The following SYTL2 variants were observed in gnomAD, a reference collection of about 807,000 sequenced individuals.
The protein encoded by SYTL2 is synaptotagmin-like protein 2.
Under a neutral mutation model 198.7 loss-of-function variants are expected in SYTL2, and 165 were observed. The ratio of observed to expected loss-of-function variants is 0.83; its 90% CI spans 0.73 to 0.94. The LOEUF is 0.94. Among genes scored for constraint, SYTL2 ranks in the 40% least tolerant of loss-of-function variants. The pLI is 0.00. For synonymous variants in SYTL2, 966 were observed against 917.7 expected, an observed-to-expected ratio of 1.05 and a Z score of -0.95; for missense variants, 2,835 against 2,582.8, an observed-to-expected ratio of 1.10 and a Z score of -2.12.
chr11:85,748,207 C>T, intron 3 of SYTL2, 65 bp downstream of exon 3: 1 of 1,534,380 alleles, frequency 6.5e-7, no homozygotes, highest in Non-Finnish European at 8.9e-7. Flanking sequence ...GACACCATTC[C>T]CTTCTCCCCG....
At chr11:85,784,851 AG>A (rs1413166980) in intron 1 of SYTL2, among the ~76,000 whole-genome samples, 3 of 152,118 alleles carry the variant, frequency 2.0e-5, no homozygotes, top group East Asian at 1.9e-4. Context: ...AGAGCTGGTA[AG>A]GGGTAAAGAA....
In SYTL2 at chr11:85,698,052, C is replaced by T. The variant is rs780365279; in HGVS notation, c.6295G>A (p.Val2099Met). Residue 2099 changes from valine to methionine, a missense_variant, in exon 18 of 20, where the codon GTG (valine) becomes ATG (methionine). By Grantham distance (21) the Val-to-Met change is conservative (BLOSUM62 1). Coordinates refer to ENST00000359152, the MANE Select transcript of SYTL2 (RefSeq NM_206927.4). ...PGKKLPTTGEVHIWVKECLDL... is the reference protein window; with the variant it reads ...PGKKLPTTGEMHIWVKECLDL... ...AGGCATTCCTTCACCCAGATGTGCACTTCTCCAGTTGTAGGAAGCTTTTTA... is the reference window on the plus strand; with the variant it reads ...AGGCATTCCTTCACCCAGATGTGCATTTCTCCAGTTGTAGGAAGCTTTTTA... 2.5e-6 allele frequency: 4 copies of T among 1,613,690 alleles called. No individual in the cohort carries two copies. Among genetic ancestry groups the T allele is most frequent in the Non-Finnish European group, 3.4e-6 (4 of 1,179,770 alleles).
At chr11:85,738,893 A>C (rs2090570088) in intron 4 of SYTL2, among the ~76,000 whole-genome samples, 1 of 152,124 alleles carries the variant, frequency 6.6e-6, no homozygotes. Context: ...AAGGATAAGC[A>C]GAGTGTCTAT....
At chr11:85,745,914 T>A (rs1389403832) in intron 3 of SYTL2, 142 bp from the exon 4 acceptor site, 5 of 708,408 alleles carry the variant, frequency 7.1e-6, no homozygotes, top group Non-Finnish European at 2.3e-6. Flanking sequence ...TCTAAGTAGT[T>A]GATCAGAATT....
chr11:85,727,048 G>A lies in SYTL2; in HGVS notation c.2310C>T (p.Val770=). The A allele has an allele frequency of 6.5e-7, 1 of 1,536,316 alleles. No individual in the cohort carries two copies. Among genetic ancestry groups the A allele is most frequent in the Non-Finnish European group, 8.7e-7 (1 of 1,146,948 alleles). Reference sequence around the variant, plus strand: ...CCTCACCAGCTTCTTGCTGGAATTGGACCTCAGGCTTCTTCCAAGGAGAGC... The same window carrying A: ...CCTCACCAGCTTCTTGCTGGAATTGAACCTCAGGCTTCTTCCAAGGAGAGC... ...NNGSPWKKPE[V]QFQQEAGEVP... Residue 770 remains valine, a synonymous_variant, in exon 8 of 20, where the codon GTC becomes GTT. Transcript: ENST00000359152.
At chr11:85,705,120 G>T (rs2153397410) in intron 15 of SYTL2, 92 bp from the exon 16 acceptor site, 1 of 951,518 alleles carries the variant, frequency 1.1e-6, no homozygotes, top group Non-Finnish European at 1.5e-6. Flanking sequence ...TCTGTATATA[G>T]CAAATTTTCT....
chr11:85,778,448 G>A (rs1471064257), intron 1 of SYTL2, among the ~76,000 whole-genome samples: 2 of 152,218 alleles, frequency 1.3e-5, no homozygotes, highest in Non-Finnish European at 2.9e-5. Context: ...ACAGTACCCG[G>A]TACTAATTGC....
chr11:85,764,295 G>T (rs112246714), intron 1 of SYTL2, among the ~76,000 whole-genome samples: 7 of 152,264 alleles, frequency 4.6e-5, no homozygotes, highest in African/African-American at 1.7e-4. Flanking sequence ...TTTCCCTCCA[G>T]ACTGAAAAAA....
At chr11:85,802,854 G>A (rs2092910696) in intron 1 of SYTL2, among the ~76,000 whole-genome samples, 1 of 152,184 alleles carries the variant, frequency 6.6e-6, no homozygotes, top group Admixed American at 6.5e-5. Flanking sequence ...GCTAACCACA[G>A]TTAAATTAGT....
the SYTL2 span, among the ~76,000 whole-genome samples, chr11:85,823,648 T>A: frequency 6.6e-6 from 1 of 152,218 alleles, no homozygotes; most frequent in South Asian, 2.1e-4. Flanking sequence ...CGTTACTGGG[T>A]TGAAAGGAAT....
At chr11:85,853,785 G>T in the SYTL2 span, 3 of 151,524 alleles carry the variant, frequency 2.0e-5, no homozygotes, top group African/African-American at 7.3e-5. Flanking sequence ...AAAGCAAAAA[G>T]TCAGGAAAAT....
chr11:85,816,689 C>T, the SYTL2 span, among the ~76,000 whole-genome samples: 39 of 152,228 alleles, frequency 2.6e-4, 1 homozygote, highest in African/African-American at 8.7e-4. Context: ...GCAGTAAGAA[C>T]GCTTGAGCAC....
intron 1 of SYTL2, among the ~76,000 whole-genome samples, chr11:85,768,435 T>A (rs563965303): frequency 5.6e-4 from 86 of 152,286 alleles, no homozygotes; most frequent in Middle Eastern, 3.4e-3. Context: ...CTATTCAACA[T>A]GGGCAGCAAA....
At chr11:85,769,667 C>T (rs775636325) in intron 1 of SYTL2, among the ~76,000 whole-genome samples, 12 of 152,154 alleles carry the variant, frequency 7.9e-5, no homozygotes, top group Non-Finnish European at 1.2e-4. Flanking sequence ...TTGTGCCAAA[C>T]CCCTATTGAC....
chr11:85,833,079 GA>G, the SYTL2 span, among the ~76,000 whole-genome samples: 228 of 49,762 alleles, frequency 4.6e-3, 8 homozygotes, highest in Non-Finnish European at 6.1e-3. Context: ...AAGAAAGAAA[GA>G]AAGAAAGAAA....
intron 16 of SYTL2, 100 bp downstream of exon 16, chr11:85,704,758 T>C: frequency 1.1e-6 from 1 of 902,788 alleles, no homozygotes; most frequent in Non-Finnish European, 1.6e-6. Context: ...TCTCCCAAAC[T>C]ACAGATCTGT....
intron 7 of SYTL2, among the ~76,000 whole-genome samples, chr11:85,730,546 C>A (rs1285983251): frequency 6.6e-6 from 1 of 152,168 alleles, no homozygotes; most frequent in Non-Finnish European, 1.5e-5. Flanking sequence ...TTCAACAGCC[C>A]TTCTTGCTAA....
chr11:85,785,364 C>T (rs968633669), intron 1 of SYTL2, among the ~76,000 whole-genome samples: 3 of 152,168 alleles, frequency 2.0e-5, no homozygotes, highest in Non-Finnish European at 4.4e-5. Context: ...AATGAACCCC[C>T]GTCAGGTACG....
intron 4 of SYTL2, among the ~76,000 whole-genome samples, chr11:85,739,335 G>A (rs1232274237): frequency 1.4e-5 from 2 of 144,672 alleles, no homozygotes; most frequent in African/African-American, 5.2e-5. Flanking sequence ...CAAAATGTCT[G>A]TTTCCGCTAT....
Sources: gnomAD v4.1 joint callset for allele counts (sites outside exome capture counted in the v4.1 genomes callset) on GRCh38, gnomAD v4.1.1 for gene constraint, MANE v1.5 for transcripts, NCBI Gene and HGNC (gene_info 2026-07-23, HGNC 2026-07-21) for gene names.